The following MMP15 variants were observed in gnomAD, a reference collection of about 807,000 sequenced individuals.
MMP15 encodes the protein matrix metallopeptidase 15.
MMP15 carries 36 observed loss-of-function variants against 65.0 expected under a neutral mutation model. That is an observed-to-expected ratio of 0.55 (90% confidence interval 0.42 to 0.73). The LOEUF (loss-of-function observed/expected upper bound fraction) is 0.73. MMP15 is among the 30% of genes least tolerant of loss of function. The pLI is 0.00. For missense variants in MMP15, 870 were observed against 987.8 expected (o/e 0.88, Z 1.60); for synonymous variants, 428 against 410.2 (o/e 1.04, Z -0.52).
At chr16:58,044,167 C>T (rs1438603191) in intron 9 of MMP15, among the ~76,000 whole-genome samples, 2 of 152,190 alleles carry the variant, frequency 1.3e-5, no homozygotes, top group Non-Finnish European at 2.9e-5. Context: ...AAAAACCAGC[C>T]AGGTGTAGTG....
chr16:58,037,385 AGGTGGTGGGAAGTG>A, intron 1 of MMP15, 73 bp from the exon 2 acceptor site: 1 of 1,515,550 alleles, frequency 6.6e-7, no homozygotes, highest in African/African-American at 1.4e-5. Flanking sequence ...GCGGTGGTGG[AGGTGGTGGGAAGTG>A]GTCGGCACAG....
At chr16:58,044,850 T>C (rs1403095133) in intron 9 of MMP15, among the ~76,000 whole-genome samples, 157 bp from the exon 10 acceptor site, 1 of 152,220 alleles carries the variant, frequency 6.6e-6, no homozygotes, top group Non-Finnish European at 1.5e-5. Flanking sequence ...AGCCTCAGTC[T>C]GGCTCCTGCA....
intron 6 of MMP15, 54 bp downstream of exon 6, chr16:58,041,924 G>T (rs1260244426): frequency 6.6e-7 from 1 of 1,523,558 alleles, no homozygotes; most frequent in Non-Finnish European, 8.8e-7. Flanking sequence ...GCTGCTCTGG[G>T]CCCCCTGTCC....
chr16:58,042,573 A>T (rs1255190673), intron 7 of MMP15, among the ~76,000 whole-genome samples: 1 of 152,098 alleles, frequency 6.6e-6, no homozygotes, highest in African/African-American at 2.4e-5. Context: ...TGGACCTGCA[A>T]CCCGGAAGTG....
Position 58,039,869 on chromosome 16 carries a change from C to A in MMP15, c.441-6C>A, listed in dbSNP as rs1597065308. 1.3e-6 allele frequency: 2 copies of A among 1,587,924 alleles called. No homozygotes were observed. The highest frequency in any genetic ancestry group is 2.3e-5 in the East Asian group (1 of 44,352). ...ATCCGCTCACTCATCTCCCACCCAC[C>A]CCCAGCATCCAGAACTACACGGAGA... On this transcript the variant is annotated splice_polypyrimidine_tract_variant and splice_region_variant and intron_variant, in intron 3 of 9. Coordinates refer to ENST00000219271, the MANE Select transcript of MMP15 (RefSeq NM_002428.4).
rs1490085842 is a variant in MMP15, at chr16:58,045,461, T to TG, written c.*16dup. On this transcript the variant is annotated 3_prime_UTR_variant, in exon 10 of 10. Coordinates refer to ENST00000219271, the MANE Select transcript of MMP15 (RefSeq NM_002428.4). ...AGTGGGTCTGACCACCCAGCGCTCC[T>TG]GCTAACGGTGCTCAGGGGGCGCCTG... The TG allele has an allele frequency of 3.8e-5, 57 of 1,493,670 alleles. No homozygotes were observed. The highest frequency in any genetic ancestry group is 4.7e-5 in the Non-Finnish European group (53 of 1,120,062). 92.5% of individuals were successfully genotyped at this position (1,493,670 alleles called of 1,614,324 possible). A position where few individuals can be genotyped will look rare whatever the true frequency, so the allele number is the denominator to read the frequency against.
chr16:58,035,382 C>G (rs1218141723), intron 1 of MMP15, among the ~76,000 whole-genome samples: 2 of 152,158 alleles, frequency 1.3e-5, no homozygotes, highest in African/African-American at 4.8e-5. Context: ...CCTGGTGGAG[C>G]CTGGCCCATC....
In MMP15 at chr16:58,039,942, G is replaced by C. The variant is rs535130485; in HGVS notation, c.508G>C (p.Val170Leu). 4 of 1,613,430 alleles carry C rather than the reference G, an allele frequency of 2.5e-6. No homozygotes were observed. Among genetic ancestry groups the C allele is most frequent in the Non-Finnish European group, 3.4e-6 (4 of 1,179,806 alleles). Reference protein sequence around the residue: ...SMEAVRRAFRVWEQATPLVFQ... With the variant: ...SMEAVRRAFRLWEQATPLVFQ... ...GGAGGCGGTGCGCAGGGCCTTCCGC[G>C]TGTGGGAGCAGGCCACGCCCCTGGT... The change falls in exon 4 of 10, where the codon GTG (valine) becomes CTG (leucine). Residue 170 changes from valine (V) to leucine (L), a missense_variant. By Grantham distance (32) the Val-to-Leu change is conservative (BLOSUM62 1). Transcript: ENST00000219271.
intron 2 of MMP15, 53 bp downstream of exon 2, chr16:58,037,673 T>C: frequency 6.2e-7 from 1 of 1,611,016 alleles, no homozygotes; most frequent in East Asian, 2.2e-5. Flanking sequence ...CCATCTGGCC[T>C]GCTCTCAAGA....
intron 1 of MMP15, among the ~76,000 whole-genome samples, chr16:58,035,533 C>T (rs928802048): frequency 1.3e-5 from 2 of 152,232 alleles, no homozygotes; most frequent in East Asian, 3.8e-4. Context: ...ATCTGCTGCA[C>T]AGGGTGGTGT....
intron 1 of MMP15, among the ~76,000 whole-genome samples, chr16:58,027,665 C>T (rs911519161): frequency 2.0e-5 from 3 of 152,162 alleles, no homozygotes; most frequent in Non-Finnish European, 4.4e-5. Flanking sequence ...CCGATGGAAG[C>T]TTGCCCTTCC....
At chr16:58,037,745 G>C in intron 2 of MMP15, 125 bp downstream of exon 2, 1 of 1,351,060 alleles carries the variant, frequency 7.4e-7, no homozygotes, top group Non-Finnish European at 1.0e-6. Context: ...AAATGGTTTG[G>C]TCCTCCATGT....
rs200425285 is a variant in MMP15 at position 58,045,047 on chromosome 16, C to T, written c.1611C>T (p.Phe537=). ...ACAAGGGCACCAAATACTGGAAATT[C>T]GACAATGAGCGCCTGCGGATGGAGC... ...YFYKGTKYWK[F]DNERLRMEPG... Residue 537 remains phenylalanine, a synonymous_variant, in exon 10 of 10, where the codon TTC becomes TTT. Coordinates refer to ENST00000219271, the MANE Select transcript of MMP15 (RefSeq NM_002428.4). 33 of 1,613,378 alleles carry T rather than the reference C, an allele frequency of 2.0e-5. No homozygotes were observed. In the East Asian group the frequency reaches 4.5e-4, roughly 22 times the overall value.
rs758947009 is a variant in MMP15, at chr16:58,045,243, G to A, written c.1807G>A (p.Ala603Thr). The change falls in exon 10 of 10, where the codon GCC becomes ACC. Residue 603 changes from alanine to threonine, a missense_variant. Physicochemically the swap from Ala to Thr is moderately conservative, Grantham distance 58. Transcript: ENST00000219271. The stretch of plus-strand genomic sequence containing the variant: ...GGGGGATGGGGATGGGGACTTTGGG[G>A]CCGGGGTCAACAAGGACGGGGGCAG... ...DVGDGDGDFG[A>T]GVNKDGGSRV... 3 of 1,605,670 alleles carry A rather than the reference G, an allele frequency of 1.9e-6. No individual in the cohort carries two copies. The highest frequency in any genetic ancestry group is 2.2e-5 in the South Asian group (2 of 89,408).
At chr16:58,030,811 T>C (rs1198722138) in intron 1 of MMP15, among the ~76,000 whole-genome samples, 1 of 152,180 alleles carries the variant, frequency 6.6e-6, no homozygotes, top group Non-Finnish European at 1.5e-5. Flanking sequence ...CAGAAGCGAA[T>C]GGCATTTACT....
rs914135553 is a variant in MMP15, at chr16:58,045,796, G to T, written c.*350G>T. 1.5e-5 allele frequency: 4 copies of T among 264,768 alleles called. No individual in the cohort carries two copies. Among genetic ancestry groups the T allele is most frequent in the African/African-American group, 2.3e-5 (1 of 44,206 alleles). The allele number at this position is 264,768 out of a possible 1,614,324, so 16.4% of individuals were successfully genotyped here. The stretch of plus-strand genomic sequence containing the variant: ...AGCACCTCCTCAGCCTGAACCCCAG[G>T]GCTGTAACTGCCAGGCTCTCTTTGC... On this transcript the variant is annotated 3_prime_UTR_variant, in exon 10 of 10. Transcript: ENST00000219271.
chr16:58,040,262 C>A, intron 4 of MMP15, 80 bp downstream of exon 4: 1 of 1,428,566 alleles, frequency 7.0e-7, no homozygotes, highest in Non-Finnish European at 9.4e-7. Context: ...GTGGGTTCAG[C>A]AGCCGCGGGG....
At chr16:58,044,688 G>A (rs1284618058) in intron 9 of MMP15, among the ~76,000 whole-genome samples, 1 of 152,194 alleles carries the variant, frequency 6.6e-6, no homozygotes, top group Non-Finnish European at 1.5e-5. Flanking sequence ...TGTGGTGTGA[G>A]GTGAAGCCAG....
At chr16:58,037,767 G>A in intron 2 of MMP15, 147 bp downstream of exon 2, 1 of 1,210,756 alleles carries the variant, frequency 8.3e-7, no homozygotes, top group Non-Finnish European at 1.1e-6. Flanking sequence ...ACTTCTGATT[G>A]GTTGGAGTGG....
Sources: gnomAD v4.1 joint callset for allele counts (sites outside exome capture counted in the v4.1 genomes callset) on GRCh38, gnomAD v4.1.1 for gene constraint, MANE v1.5 for transcripts, NCBI Gene and HGNC (gene_info 2026-07-23, HGNC 2026-07-21) for gene names.